The following PTBP2 variants were observed in gnomAD, a reference collection of about 807,000 sequenced individuals.
PTBP2 encodes the protein polypyrimidine tract-binding protein 2.
In PTBP2, 13 loss-of-function variants were observed where a neutral mutation model predicts 61.4. That is an observed-to-expected ratio of 0.21 (90% CI 0.14 to 0.34). The LOEUF (loss-of-function observed/expected upper bound fraction) is 0.34. PTBP2 is among the 10% of genes least tolerant of loss of function. The pLI is 1.00. For missense variants in PTBP2, 405 were observed against 642.6 expected, an observed-to-expected ratio of 0.63 and a Z score of 4.00; for synonymous variants, 215 against 218.5, an observed-to-expected ratio of 0.98 and a Z score of 0.14.
At chr1:96,767,699 G>A (rs953304622) in intron 3 of PTBP2, among the ~76,000 whole-genome samples, 1 of 152,214 alleles carries the variant, frequency 6.6e-6, no homozygotes, top group South Asian at 2.1e-4. Flanking sequence ...CTGTGCTTTA[G>A]CTTACATTTT....
chr1:96,801,914 A>G (rs1486786861), intron 8 of PTBP2, among the ~76,000 whole-genome samples: 2 of 151,548 alleles, frequency 1.3e-5, no homozygotes, highest in Non-Finnish European at 2.9e-5. Flanking sequence ...GACAACCATT[A>G]ATAGAACCCA....
chr1:96,748,087 C>T (rs1257742329), intron 2 of PTBP2, among the ~76,000 whole-genome samples: 1 of 152,072 alleles, frequency 6.6e-6, no homozygotes, highest in Non-Finnish European at 1.5e-5. Context: ...ACCTTTCTTC[C>T]TCTCTGATAA....
intron 2 of PTBP2, among the ~76,000 whole-genome samples, chr1:96,737,137 A>G (rs199917187): frequency 1.5e-4 from 22 of 151,160 alleles, no homozygotes; most frequent in African/African-American, 4.4e-4. Flanking sequence ...CTGCCACCAC[A>G]CCCGGCTAAT....
chr1:96,785,494 A>G (rs577825443), intron 8 of PTBP2, among the ~76,000 whole-genome samples: 8 of 152,198 alleles, frequency 5.3e-5, no homozygotes, highest in Middle Eastern at 3.2e-3. Context: ...CTTCTCTTCC[A>G]TGCCACTCTC....
chr1:96,817,632 C>A (rs770126383), downstream of PTBP2: 2 of 152,010 alleles, frequency 1.3e-5, no homozygotes, highest in African/African-American at 4.8e-5. Context: ...ATATTTTAAA[C>A]GTAATTATAT....
intron 3 of PTBP2, among the ~76,000 whole-genome samples, chr1:96,752,150 AT>A (rs201843330): frequency 0.019 from 2,895 of 151,494 alleles, 94 homozygotes; most frequent in African/African-American, 0.066. Context: ...GATGGGCCAA[AT>A]TTTTTTTTGT....
chr1:96,742,099 T>C (rs187441821), intron 2 of PTBP2, among the ~76,000 whole-genome samples: 217 of 152,348 alleles, frequency 1.4e-3, no homozygotes, highest in Admixed American at 2.6e-3. Flanking sequence ...TCTTTGGGTC[T>C]TATTTATACT....
intron 2 of PTBP2, among the ~76,000 whole-genome samples, chr1:96,724,067 G>C (rs1245272111): frequency 6.6e-6 from 1 of 152,106 alleles, no homozygotes; most frequent in Non-Finnish European, 1.5e-5. Flanking sequence ...GAGGCAGTTA[G>C]CTTCAAATTT....
At chr1:96,804,727 T>C in intron 8 of PTBP2, 73 bp from the exon 9 acceptor site, 1 of 1,432,354 alleles carries the variant, frequency 7.0e-7, no homozygotes, top group Non-Finnish European at 9.5e-7. Context: ...CGTGCTTAAA[T>C]TGGTTTTTGT....
At chr1:96,768,933 TCAAA>T (rs1269263697) in intron 3 of PTBP2, among the ~76,000 whole-genome samples, 6 of 152,036 alleles carry the variant, frequency 3.9e-5, no homozygotes, top group South Asian at 2.1e-4. Context: ...ATTTTTCAAA[TCAAA>T]CAATTTATAA....
chr1:96,811,863 T>G (rs1193438886), intron 11 of PTBP2, among the ~76,000 whole-genome samples: 1 of 152,182 alleles, frequency 6.6e-6, no homozygotes, highest in Non-Finnish European at 1.5e-5. Context: ...ACCAGTTCAT[T>G]TAGTTTAAAA....
intron 2 of PTBP2, among the ~76,000 whole-genome samples, chr1:96,726,432 C>A (rs1457913338): frequency 6.6e-6 from 1 of 150,524 alleles, no homozygotes; most frequent in Admixed American, 6.6e-5. Context: ...GCCGCCATGC[C>A]AGACTAATTT....
At chr1:96,730,939 G>A (rs1304133571) in intron 2 of PTBP2, among the ~76,000 whole-genome samples, 9 of 152,114 alleles carry the variant, frequency 5.9e-5, no homozygotes, top group Non-Finnish European at 8.8e-5. Flanking sequence ...TTGCTTGATT[G>A]TTTGGTGTTG....
In PTBP2 at chr1:96,813,660, G is replaced by GTTTTTTTTTTTTT; in HGVS notation, c.*255_*256insTTTTTTTTTTTTT. ...CTGTTTAAAATTTCAGTTTAATTTT[G>GTTTTTTTTTTTTT]CTTTTTTTTTTTTTTTTTTTTTCCT... On this transcript the variant is annotated 3_prime_UTR_variant, in exon 14 of 14. Transcript: ENST00000674951. 7.2e-6 allele frequency: 1 copy of GTTTTTTTTTTTTT among 138,044 alleles called. No homozygotes were observed. Among genetic ancestry groups the GTTTTTTTTTTTTT allele is most frequent in the Non-Finnish European group, 1.3e-5 (1 of 78,834 alleles). The allele number at this position is 138,044 out of a possible 1,614,324, so 8.6% of individuals were successfully genotyped here. A position where few individuals can be genotyped will look rare whatever the true frequency, so the allele number is the denominator to read the frequency against.
chr1:96,804,972 A>C (rs1661363216), intron 9 of PTBP2, 33 bp downstream of exon 9: 1 of 1,464,284 alleles, frequency 6.8e-7, no homozygotes, highest in African/African-American at 1.4e-5. Flanking sequence ...TTTATTCTTT[A>C]ACTCCATTTC....
At chr1:96,723,709 A>C in intron 2 of PTBP2, 115 bp downstream of exon 2, 1 of 884,716 alleles carries the variant, frequency 1.1e-6, no homozygotes, top group South Asian at 2.1e-5. Flanking sequence ...CCAAGTGTAA[A>C]ATGTTTCCTT....
intron 5 of PTBP2, among the ~76,000 whole-genome samples, chr1:96,776,224 T>C: frequency 6.6e-6 from 1 of 152,160 alleles, no homozygotes; most frequent in Middle Eastern, 3.4e-3. Context: ...TGTTCACTAA[T>C]GAAGAAGATA....
rs34762874 is a variant in PTBP2 at position 96,746,071 on chromosome 1, C to CAA, written c.40-5352_40-5351dup. On this transcript the variant is annotated intron_variant, in intron 2 of 13. Coordinates refer to ENST00000674951, the MANE Select transcript of PTBP2 (RefSeq NM_021190.4). ...ACAGACTGAGACTCCATCTCAAAAA[C>CAA]AAACAAAAAAAAACAACAACAAAAA... Among the ~76,000 whole-genome samples the CAA allele has an allele frequency of 6.8e-4, 99 of 144,934 alleles. 1 individual carries two copies. The highest frequency in any genetic ancestry group is 1.9e-3 in the South Asian group (9 of 4,620).
At chr1:96,734,540 A>C (rs576758663) in intron 2 of PTBP2, among the ~76,000 whole-genome samples, 1 of 152,048 alleles carries the variant, frequency 6.6e-6, no homozygotes, top group South Asian at 2.1e-4. Context: ...TACCTCTTAA[A>C]TATCTTTTAA....
Sources: gnomAD v4.1 joint callset for allele counts (sites outside exome capture counted in the v4.1 genomes callset) on GRCh38, gnomAD v4.1.1 for gene constraint, MANE v1.5 for transcripts, NCBI Gene and HGNC (gene_info 2026-07-23, HGNC 2026-07-21) for gene names.